The following DZIP3 variants were observed in gnomAD, a reference collection of about 807,000 sequenced individuals.
DZIP3 encodes E3 ubiquitin-protein ligase DZIP3.
A neutral mutation model predicts 162.0 loss-of-function variants in DZIP3; 118 were observed. The ratio of observed to expected loss-of-function variants is 0.73; its 90% CI spans 0.63 to 0.85. The LOEUF is 0.85. Among genes scored for constraint, DZIP3 ranks in the 40% least tolerant of loss-of-function variants. The probability of loss-of-function intolerance (pLI) is 0.00; values close to 1 mark genes in which losing one functional copy is unlikely to be tolerated. For missense variants in DZIP3, 1,331 were observed against 1,407.0 expected (o/e 0.95, Z 0.86); for synonymous variants, 438 against 458.6 (o/e 0.96, Z 0.57).
rs544232551 is a variant in DZIP3 at position 108,631,198 on chromosome 3, T to C, written c.697-1755T>C. ...CTTTCTTGTATGTGGAATCCTCTGT[T>C]TCTCAGAACTCAAGTTTTCCTTCCT... On this transcript the variant is annotated intron_variant, in intron 8 of 32. Transcript: ENST00000361582. Among the ~76,000 whole-genome samples, 3 of 151,816 alleles carry C rather than the reference T, an allele frequency of 2.0e-5. No homozygotes were observed. In the South Asian group the frequency reaches 6.3e-4, roughly 32 times the overall value.
chr3:108,690,863 C>G lies in DZIP3; in HGVS notation c.3593C>G (p.Pro1198Arg), dbSNP rs1944664932. The change falls in exon 32 of 33, where the codon CCT becomes CGT. Residue 1198 changes from proline to arginine, a missense_variant. Physicochemically the swap from Pro to Arg is moderately radical, Grantham distance 103. This residue lies in a region of DZIP3 where 53 missense variants were observed against 89.9 expected (regional missense o/e 0.59). Coordinates refer to ENST00000361582, the MANE Select transcript of DZIP3 (RefSeq NM_014648.4). The part of the protein sequence containing the change: ...RLHVLLPEEF[P>R]GHPSRQLPKI ...CACGTTTTGCTACCAGAAGAATTCC[C>G]TGGTCACCCCAGCCGGCAGTTGCCC... 6.2e-7 allele frequency: 1 copy of G among 1,614,034 alleles called. No homozygotes were observed.
chr3:108,607,288 A>C (rs1375603356), intron 2 of DZIP3, among the ~76,000 whole-genome samples: 1 of 152,232 alleles, frequency 6.6e-6, no homozygotes, highest in Non-Finnish European at 1.5e-5. Context: ...ATTAGATGAT[A>C]AATGGTTGTC....
chr3:108,686,709 C>T (rs774608813), intron 28 of DZIP3, 125 bp downstream of exon 28: 18 of 1,170,146 alleles, frequency 1.5e-5, no homozygotes, highest in Non-Finnish European at 2.0e-5. Context: ...TGTTTCCTTA[C>T]CTTGACCTTG....
rs568315220 is a variant in DZIP3 at position 108,614,710 on chromosome 3, G to A, written c.259-1831G>A. On this transcript the variant is annotated intron_variant, in intron 4 of 32. Transcript: ENST00000361582. Reference sequence around the variant, plus strand: ...TAATATTCCCCCATCACCCCAGAAAGCACTCAATCAGTAGGTCTTGGGAGT... The same window carrying A: ...TAATATTCCCCCATCACCCCAGAAAACACTCAATCAGTAGGTCTTGGGAGT... Among the ~76,000 whole-genome samples, 27 of 152,212 alleles carry A rather than the reference G, an allele frequency of 1.8e-4. 1 individual carries two copies. The highest frequency in any genetic ancestry group is 4.8e-4 in the African/African-American group (20 of 41,522).
intron 6 of DZIP3, 65 bp downstream of exon 6, chr3:108,624,589 T>C (rs1249890078): frequency 2.0e-5 from 17 of 846,852 alleles, no homozygotes; most frequent in Non-Finnish European, 2.9e-5. Context: ...GGCCAAAGAT[T>C]ATAATATGAA....
At chr3:108,618,656 A>T (rs920994482) in intron 5 of DZIP3, among the ~76,000 whole-genome samples, 1 of 152,182 alleles carries the variant, frequency 6.6e-6, no homozygotes. Flanking sequence ...GTCTATCTCC[A>T]CTGAGATCAG....
At chr3:108,640,213 G>T (rs1032799584) in intron 12 of DZIP3, among the ~76,000 whole-genome samples, 2 of 151,828 alleles carry the variant, frequency 1.3e-5, no homozygotes, top group African/African-American at 4.8e-5. Context: ...GAAATAGTCT[G>T]TACATTAGAT....
At position 108,654,200 on chromosome 3, in the gene DZIP3, T is replaced by A. The variant is rs751364933; in HGVS notation, c.2089T>A (p.Ser697Thr). ...GAGGAAAGAACAAGCAAATCCACAC[T>A]CAGTCAGTAGACTTATAAAAGATGA... ...QLRKEQANPH[S>T]VSRLIKDDAS... The change falls in exon 19 of 33, where the codon TCA (serine) becomes ACA (threonine). Residue 697 changes from serine (S) to threonine (T), a missense_variant. Around this residue, in one of 2 missense-constraint regions of DZIP3, gnomAD observed 1,278 missense variants for 1,317.1 expected, o/e 0.97. Coordinates refer to ENST00000361582, the MANE Select transcript of DZIP3 (RefSeq NM_014648.4). 6.2e-7 allele frequency: 1 copy of A among 1,613,768 alleles called. No individual in the cohort carries two copies. Among genetic ancestry groups the A allele is most frequent in the Non-Finnish European group, 8.5e-7 (1 of 1,179,738 alleles).
In DZIP3 at chr3:108,648,041, G is replaced by T. The variant is rs145767744; in HGVS notation, c.1891G>T (p.Ala631Ser). The change falls in exon 16 of 33, where the codon GCA (alanine) becomes TCA (serine). Residue 631 changes from alanine (A) to serine (S), a missense_variant. Around this residue, in one of 2 missense-constraint regions of DZIP3, gnomAD observed 1,278 missense variants for 1,317.1 expected, o/e 0.97. Transcript: ENST00000361582. ...GAAATCACACCCTGAGATACAGTTT[G>T]CAGAAATTAATAAAGATGGGACCTC... The part of the protein sequence containing the change: ...NVKSHPEIQF[A>S]EINKDGTSIP... 6 of 1,612,050 alleles carry T rather than the reference G, an allele frequency of 3.7e-6. No homozygotes were observed. The highest frequency in any genetic ancestry group is 4.2e-6 in the Non-Finnish European group (5 of 1,179,122).
At position 108,684,071 on chromosome 3, in the gene DZIP3, A is replaced by G. The variant is rs551965031; in HGVS notation, c.2884-145A>G. ...TCATATGTTTCATTTTCTGACATACATTGTTTCTAATGTGCTTTGTATCTT... is the reference window on the plus strand; with the variant it reads ...TCATATGTTTCATTTTCTGACATACGTTGTTTCTAATGTGCTTTGTATCTT... On this transcript the variant is annotated intron_variant, in intron 26 of 32. Coordinates refer to ENST00000361582, the MANE Select transcript of DZIP3 (RefSeq NM_014648.4). The G allele has an allele frequency of 1.6e-5, 13 of 830,344 alleles. No individual in the cohort carries two copies. The East Asian group carries it at 3.4e-4, about 21-fold the overall frequency. The allele number at this position is 830,344 out of a possible 1,614,324, so 51.4% of individuals were successfully genotyped here. A position where few individuals can be genotyped will look rare whatever the true frequency, so the allele number is the denominator to read the frequency against.
At chr3:108,623,359 C>T (rs949231912) in intron 5 of DZIP3, among the ~76,000 whole-genome samples, 5 of 152,118 alleles carry the variant, frequency 3.3e-5, no homozygotes, top group African/African-American at 1.2e-4. Flanking sequence ...TTATTCAGGG[C>T]CCAAGGGCTC....
intron 6 of DZIP3, 126 bp downstream of exon 6, chr3:108,624,650 TTTTA>T (rs772863286): frequency 1.5e-4 from 71 of 488,378 alleles, no homozygotes; most frequent in Non-Finnish European, 2.3e-4. Flanking sequence ...ACTTCATTTC[TTTTA>T]TTTATCTTTT....
At chr3:108,621,268 T>A (rs1941321171) in intron 5 of DZIP3, among the ~76,000 whole-genome samples, 1 of 152,214 alleles carries the variant, frequency 6.6e-6, no homozygotes, top group Non-Finnish European at 1.5e-5. Flanking sequence ...CAAATTTTTA[T>A]ACTTCTTTTT....
rs749896290 is a variant in DZIP3, at chr3:108,611,203, T to C, written c.132T>C (p.Asp44=). ...AACAGGAAAATGACATACCTACTGATCTTGTCCCTGTTAACCTACTATTAG... is the reference window on the plus strand; with the variant it reads ...AACAGGAAAATGACATACCTACTGACCTTGTCCCTGTTAACCTACTATTAG... ...LNKQENDIPT[D]LVPVNLLLEV... Residue 44 remains aspartate (D), a synonymous_variant, in exon 4 of 33, where the codon GAT becomes GAC. Transcript: ENST00000361582. 17 of 1,605,172 alleles carry C rather than the reference T, an allele frequency of 1.1e-5. No homozygotes were observed. The South Asian group carries it at 1.8e-4, about 17-fold the overall frequency.
Position 108,684,358 on chromosome 3 carries a change from T to C in DZIP3, c.3009+17T>C, listed in dbSNP as rs1227590564. ...GCCCCCCTGGTAAAAGCTTTCTTGG[T>C]GGAATAGATGTTAATTAGTTTTTTT... On this transcript the variant is annotated intron_variant, in intron 27 of 32. Transcript: ENST00000361582. 6.3e-7 allele frequency: 1 copy of C among 1,599,356 alleles called. No individual in the cohort carries two copies. The highest frequency in any genetic ancestry group is 2.2e-5 in the East Asian group (1 of 44,774).
intron 2 of DZIP3, 120 bp from the exon 3 acceptor site, chr3:108,607,969 T>G: frequency 1.2e-6 from 1 of 819,612 alleles, no homozygotes; most frequent in Non-Finnish European, 2.0e-6. Flanking sequence ...CCATTACCAG[T>G]CTTTGATACA....
intron 19 of DZIP3, among the ~76,000 whole-genome samples, chr3:108,660,647 TTAAAC>T (rs1478502873): frequency 6.6e-6 from 1 of 152,088 alleles, no homozygotes; most frequent in African/African-American, 2.4e-5. Flanking sequence ...TGGGATCTAA[TTAAAC>T]TAAAGAGCTT....
At chr3:108,661,700 G>A (rs190827950) in intron 19 of DZIP3, among the ~76,000 whole-genome samples, 177 bp from the exon 20 acceptor site, 46 of 152,246 alleles carry the variant, frequency 3.0e-4, no homozygotes, top group Admixed American at 7.2e-4. Context: ...CAACAGGCAA[G>A]TAACTGGTAC....
intron 19 of DZIP3, among the ~76,000 whole-genome samples, chr3:108,656,984 T>A (rs201882377): frequency 3.3e-5 from 5 of 150,254 alleles, no homozygotes; most frequent in Non-Finnish European, 5.9e-5. Flanking sequence ...TGGGACTATG[T>A]GAAAAGACCA....
Sources: gnomAD v4.1 joint callset for allele counts (sites outside exome capture counted in the v4.1 genomes callset) on GRCh38, gnomAD v4.1.1 for gene constraint, gnomAD v4.1.1 regional missense constraint, MANE v1.5 for transcripts, NCBI Gene and HGNC (gene_info 2026-07-23, HGNC 2026-07-21) for gene names.